The following CNOT1 variants were observed in gnomAD, a reference collection of about 807,000 sequenced individuals.
The protein encoded by CNOT1 is CCR4-NOT transcription complex subunit 1, also known as CCR4-associated factor 1.
Under a neutral mutation model 273.8 loss-of-function variants are expected in CNOT1, and 15 were observed. The observed-to-expected ratio is 0.05, with a 90% CI of 0.04 to 0.08. CNOT1 has a LOEUF of 0.08. Ranked by LOEUF, CNOT1 falls within the 10% of genes least tolerant of loss-of-function variation. The pLI is 1.00. For synonymous variants in CNOT1, 1,022 were observed against 1,005.5 expected (o/e 1.02, Z -0.31); for missense variants, 1,644 against 2,912.2 (o/e 0.56, Z 10.02).
chr16:58,597,989 C>T (rs992036550), intron 2 of CNOT1: 4 of 213,458 alleles, frequency 1.9e-5, no homozygotes, highest in South Asian at 6.9e-5. Flanking sequence ...GGGAGCTAGG[C>T]GCAAGAGCTC....
At chr16:58,561,570 G>A (rs2040841874) in intron 16 of CNOT1, among the ~76,000 whole-genome samples, 1 of 152,104 alleles carries the variant, frequency 6.6e-6, no homozygotes. Context: ...ATGTTTACTT[G>A]ACAATTAAAC....
At position 58,520,601 on chromosome 16, in the gene CNOT1, T is replaced by G. The variant is rs2039336989; in HGVS notation, c.*357A>C. On this transcript the variant is annotated 3_prime_UTR_variant, in exon 49 of 49. Coordinates refer to ENST00000317147, the MANE Select transcript of CNOT1 (RefSeq NM_016284.5). ...ACATGGAGCTATGCCCTCAGACAAG[T>G]GCATGGCATCAGCTGCCTCTTCATT... 1 of 253,226 alleles carries G rather than the reference T, an allele frequency of 3.9e-6. No individual in the cohort carries two copies. Among genetic ancestry groups the G allele is most frequent in the Non-Finnish European group, 7.8e-6 (1 of 128,398 alleles). The allele number at this position is 253,226 out of a possible 1,614,324, so 15.7% of individuals were successfully genotyped here. A position where few individuals can be genotyped will look rare whatever the true frequency, so the allele number is the denominator to read the frequency against.
chr16:58,536,775 GA>G (rs1358730169), intron 39 of CNOT1, among the ~76,000 whole-genome samples: 1 of 152,078 alleles, frequency 6.6e-6, no homozygotes, highest in Non-Finnish European at 1.5e-5. Flanking sequence ...GGAATATACA[GA>G]ACCAACGGTG....
intron 2 of CNOT1, among the ~76,000 whole-genome samples, chr16:58,596,372 T>C (rs1349912296): frequency 6.6e-6 from 1 of 152,188 alleles, no homozygotes; most frequent in East Asian, 1.9e-4. Context: ...CACTTGCTCA[T>C]CTTCCTTATC....
At chr16:58,526,727 A>G (rs895749887) in intron 44 of CNOT1, among the ~76,000 whole-genome samples, 3 of 151,068 alleles carry the variant, frequency 2.0e-5, no homozygotes, top group Non-Finnish European at 4.4e-5. Flanking sequence ...GAGGCAGGAG[A>G]ATCGCCTGAA....
At chr16:58,586,819 C>T (rs1025149841) in intron 6 of CNOT1, 71 bp from the exon 7 acceptor site, 4 of 1,491,948 alleles carry the variant, frequency 2.7e-6, no homozygotes, top group Admixed American at 1.8e-5. Flanking sequence ...CATATACCAT[C>T]AAAATGCAGA....
intron 1 of CNOT1, among the ~76,000 whole-genome samples, chr16:58,604,660 G>A (rs939618233): frequency 1.3e-5 from 2 of 150,816 alleles, no homozygotes; most frequent in Non-Finnish European, 3.0e-5. Context: ...AGCCGGGCGT[G>A]GTGGTGCCTG....
intron 1 of CNOT1, among the ~76,000 whole-genome samples, chr16:58,619,526 C>T (rs2043227724): frequency 6.6e-6 from 1 of 151,954 alleles, no homozygotes; most frequent in Non-Finnish European, 1.5e-5. Flanking sequence ...CTCCCAGGTT[C>T]AAGCAATTCT....
rs547893281 is a variant in CNOT1, at chr16:58,583,074, T to G, written c.915A>C (p.Thr305=). Reference sequence around the variant, plus strand: ...AACACACCTGTAATGGAATGCCATCTGTTAATCCTGAATGAGTTCGAGCCA... The same window carrying G: ...AACACACCTGTAATGGAATGCCATCGGTTAATCCTGAATGAGTTCGAGCCA... ...GMMARTHSGL[T]DGIPLQSISA... is the part of the protein sequence containing the mutation. The change falls in exon 9 of 49, where the codon ACA becomes ACC. Residue 305 remains threonine, a synonymous_variant. Coordinates refer to ENST00000317147, the MANE Select transcript of CNOT1 (RefSeq NM_016284.5). The G allele has an allele frequency of 2.5e-6, 4 of 1,614,084 alleles. No individual in the cohort carries two copies. The Admixed American group carries it at 5.0e-5, about 20-fold the overall frequency.
At chr16:58,625,857 CAAA>C (rs35404068) in intron 1 of CNOT1, among the ~76,000 whole-genome samples, 13 of 106,388 alleles carry the variant, frequency 1.2e-4, no homozygotes, top group South Asian at 3.5e-4. Flanking sequence ...AACCCTGTCT[CAAA>C]AAAAAAAAAA....
chr16:58,604,849 C>T (rs1211599022), intron 1 of CNOT1, among the ~76,000 whole-genome samples: 4 of 140,010 alleles, frequency 2.9e-5, no homozygotes, highest in Non-Finnish European at 3.1e-5. Context: ...AAAAAAACCA[C>T]ACCAAAGCCG....
At chr16:58,603,407 AAGTGTGTGTGTGTGTGTG>A (rs1452751092) in intron 1 of CNOT1, among the ~76,000 whole-genome samples, 60 of 126,376 alleles carry the variant, frequency 4.7e-4, no homozygotes, top group South Asian at 2.6e-3. Flanking sequence ...TACAATTTAA[AAGTGTGTGTGTGTGTGTG>A]TGTGTGTGTG....
intron 1 of CNOT1, among the ~76,000 whole-genome samples, chr16:58,626,576 A>T (rs1365768985): frequency 6.6e-6 from 1 of 151,950 alleles, no homozygotes; most frequent in Non-Finnish European, 1.5e-5. Flanking sequence ...CCTGACCAAC[A>T]TAGTGAAACC....
chr16:58,556,576 T>A (rs2040640107), intron 19 of CNOT1, among the ~76,000 whole-genome samples: 1 of 152,222 alleles, frequency 6.6e-6, no homozygotes, highest in South Asian at 2.1e-4. Context: ...GTTCAAGAGT[T>A]ACATTCGTAT....
chr16:58,618,811 C>T (rs371106431), intron 1 of CNOT1, among the ~76,000 whole-genome samples: 15 of 152,212 alleles, frequency 9.9e-5, no homozygotes, highest in East Asian at 7.7e-4. Flanking sequence ...ATTAATCAAG[C>T]AATTTATTTC....
chr16:58,537,526 G>A (rs975495753), intron 38 of CNOT1, among the ~76,000 whole-genome samples: 5 of 152,130 alleles, frequency 3.3e-5, no homozygotes, highest in Admixed American at 6.5e-5. Flanking sequence ...CTTTCTTTAC[G>A]TTACTTCTCT....
intron 39 of CNOT1, 105 bp downstream of exon 39, chr16:58,536,884 G>C: frequency 6.7e-7 from 1 of 1,484,206 alleles, no homozygotes; most frequent in African/African-American, 1.4e-5. Flanking sequence ...CATGAGTATG[G>C]AGGTAACTGT....
At chr16:58,575,934 A>G (rs1393069873) in intron 14 of CNOT1, among the ~76,000 whole-genome samples, 11 of 152,160 alleles carry the variant, frequency 7.2e-5, no homozygotes, top group African/African-American at 2.7e-4. Flanking sequence ...TTTTCACTAT[A>G]AAACAGCTTT....
intron 16 of CNOT1, among the ~76,000 whole-genome samples, chr16:58,571,470 A>G (rs2041272034): frequency 6.6e-6 from 1 of 152,098 alleles, no homozygotes; most frequent in African/African-American, 2.4e-5. Context: ...TGAGGCAGGA[A>G]AATCAATGAA....
Sources: allele counts gnomAD v4.1 joint callset (sites outside exome capture counted in the v4.1 genomes callset), GRCh38; gene constraint gnomAD v4.1.1; transcripts MANE v1.5; gene names NCBI Gene and HGNC (gene_info 2026-07-23, HGNC 2026-07-21).